Variants in NRDC observed in about 807,000 individuals in gnomAD.
NRDC encodes the protein nardilysin.
A neutral mutation model predicts 147.1 loss-of-function variants in NRDC; 54 were observed. That is an observed-to-expected ratio of 0.37 (90% CI 0.29 to 0.46). The LOEUF (loss-of-function observed/expected upper bound fraction) is 0.46, where lower values mean the gene tolerates loss of function less well. Among genes scored for constraint, NRDC ranks in the 20% least tolerant of loss-of-function variants. The probability of loss-of-function intolerance (pLI) is 1.00; values close to 1 mark genes in which losing one functional copy is unlikely to be tolerated. For missense variants in NRDC, 1,082 were observed against 1,370.6 expected, an observed-to-expected ratio of 0.79 and a Z score of 3.33; for synonymous variants, 440 against 482.1, an observed-to-expected ratio of 0.91 and a Z score of 1.14.
At chr1:51,874,106 G>A (rs1231327332) in intron 1 of NRDC, among the ~76,000 whole-genome samples, 6 of 143,492 alleles carry the variant, frequency 4.2e-5, no homozygotes, top group Admixed American at 6.9e-5. Context: ...CAGCCTGGGC[G>A]ATGAATTGAA....
chr1:51,791,639 T>C lies in NRDC; in HGVS notation c.2899A>G (p.Arg967Gly). The C allele has an allele frequency of 3.1e-6, 5 of 1,613,878 alleles. No homozygotes were observed. The highest frequency in any genetic ancestry group is 4.2e-6 in the Non-Finnish European group (5 of 1,179,782). Reference protein sequence around the residue: ...TLGYHVYPTCRNTSGILGFSV... With the variant: ...TLGYHVYPTCGNTSGILGFSV... Reference sequence around the variant, plus strand: ...AATCCTAGAATCCCGGATGTGTTCCTACAGGTAGGGTAGACATGGTACCTA... The same window carrying C: ...AATCCTAGAATCCCGGATGTGTTCCCACAGGTAGGGTAGACATGGTACCTA... The change falls in exon 27 of 31, where the codon AGG becomes GGG. Residue 967 changes from arginine (R) to glycine (G), a missense_variant. Physicochemically the swap from Arg to Gly is moderately radical, Grantham distance 125. Coordinates refer to ENST00000352171, the MANE Select transcript of NRDC (RefSeq NM_001101662.2).
chr1:51,791,731 T>C (rs1678667374), intron 26 of NRDC, 70 bp from the exon 27 acceptor site: 1 of 1,267,682 alleles, frequency 7.9e-7, no homozygotes, highest in Non-Finnish European at 1.1e-6. Context: ...AGGCACTAGA[T>C]AGGAGTGGGA....
chr1:51,790,169 G>A (rs1678531930), intron 29 of NRDC, among the ~76,000 whole-genome samples: 1 of 152,190 alleles, frequency 6.6e-6, no homozygotes, highest in African/African-American at 2.4e-5. Context: ...CTTTGGAATA[G>A]AAGTTGTCAA....
At chr1:51,802,615 C>G (rs188296021) in intron 20 of NRDC, among the ~76,000 whole-genome samples, 24 of 152,252 alleles carry the variant, frequency 1.6e-4, no homozygotes, top group Non-Finnish European at 1.0e-4. Context: ...CAGTGATCAT[C>G]ATTTTATCAG....
intron 1 of NRDC, among the ~76,000 whole-genome samples, chr1:51,870,075 T>G (rs779897247): frequency 1.2e-4 from 19 of 152,182 alleles, no homozygotes; most frequent in Non-Finnish European, 2.4e-4. Flanking sequence ...TCTAAGAAAT[T>G]TCTGGCAAAA....
intron 21 of NRDC, among the ~76,000 whole-genome samples, chr1:51,800,189 A>G (rs991559125): frequency 6.6e-6 from 1 of 152,094 alleles, no homozygotes; most frequent in Non-Finnish European, 1.5e-5. Flanking sequence ...TGCCCAGGCT[A>G]GTCTTGAACT....
At chr1:51,829,557 A>AT (rs1397544223) in intron 4 of NRDC, among the ~76,000 whole-genome samples, 2 of 152,194 alleles carry the variant, frequency 1.3e-5, no homozygotes, top group Admixed American at 6.5e-5. Context: ...TTAACCTCTG[A>AT]TTTGATGTCT....
chr1:51,860,044 CT>C, intron 1 of NRDC: 1 of 201,116 alleles, frequency 5.0e-6, no homozygotes, highest in Non-Finnish European at 1.1e-5. Context: ...TTGGCCGTGT[CT>C]TTTACTTTGG....
chr1:51,857,699 T>C (rs1351359228), intron 1 of NRDC, among the ~76,000 whole-genome samples: 2 of 152,168 alleles, frequency 1.3e-5, no homozygotes, highest in South Asian at 2.1e-4. Context: ...CATGATTGGA[T>C]TGGATCTGAT....
chr1:51,812,961 C>CAAAAAAAAAAAAAAAAAAAAAAAAAAA (rs5774107), intron 14 of NRDC, among the ~76,000 whole-genome samples: 1 of 71,816 alleles, frequency 1.4e-5, no homozygotes, highest in African/African-American at 6.2e-5. Context: ...GACTCTGTCT[C>CAAAAAAAAAAAAAAAAAAAAAAAAAAA]AAAAAAAAAA....
intron 8 of NRDC, 58 bp downstream of exon 8, chr1:51,821,440 C>A: frequency 8.3e-7 from 1 of 1,205,700 alleles, no homozygotes; most frequent in Non-Finnish European, 1.2e-6. Flanking sequence ...GGGACTCATA[C>A]AAGATAATGG....
Position 51,836,166 on chromosome 1 carries a change from T to C in NRDC, c.677A>G (p.Asp226Gly), listed in dbSNP as rs768058472. 1.9e-6 allele frequency: 3 copies of C among 1,614,054 alleles called. No individual in the cohort carries two copies. Among genetic ancestry groups the C allele is most frequent in the African/African-American group, 1.3e-5 (1 of 74,916 alleles). ...AAAGTGTGCCAGCCCCGGCAGGTCA[T>C]CTGGATCAGCGAAACTCCCAACTCC... is the stretch of plus-strand genomic sequence containing the variant. ...CVGVGSFADPDDLPGLAHFLE... is the reference protein window; with the variant it reads ...CVGVGSFADPGDLPGLAHFLE... Residue 226 changes from aspartate (D) to glycine (G), a missense_variant, in exon 3 of 31, where the codon GAT (aspartate) becomes GGT (glycine). Physicochemically the swap from Asp to Gly is moderately conservative, Grantham distance 94. Around this residue, in one of 3 missense-constraint regions of NRDC, gnomAD observed 635 missense variants for 923.8 expected, o/e 0.69. Transcript: ENST00000352171.
Position 51,834,137 on chromosome 1 carries a change from T to C in NRDC, c.746A>G (p.Glu249Gly). ...CTTCAGGAAGGCATCAAATCCATTC[T>C]CATCTGGATATTTCAAACTACCCAT... Reference protein sequence around the residue: ...VFMGSLKYPDENGFDAFLKKH... With the variant: ...VFMGSLKYPDGNGFDAFLKKH... The change falls in exon 4 of 31, where the codon GAG becomes GGG. Residue 249 changes from glutamate to glycine, a missense_variant. Glu to Gly is a moderately conservative substitution (Grantham distance 98, BLOSUM62 -2). Coordinates refer to ENST00000352171, the MANE Select transcript of NRDC (RefSeq NM_001101662.2). The C allele has an allele frequency of 6.2e-7, 1 of 1,613,980 alleles. No homozygotes were observed. Among genetic ancestry groups the C allele is most frequent in the Non-Finnish European group, 8.5e-7 (1 of 1,179,972 alleles).
chr1:51,821,509 C>T lies in NRDC; in HGVS notation c.1206G>A (p.Gln402=). The T allele has an allele frequency of 6.2e-7, 1 of 1,603,236 alleles. No homozygotes were observed. Among genetic ancestry groups the T allele is most frequent in the South Asian group, 1.1e-5 (1 of 90,816 alleles). The change falls in exon 8 of 31, where the codon CAG becomes CAA. Residue 402 remains glutamine (Q), a synonymous_variant. Transcript: ENST00000352171. ...LEKWVTEIFS[Q]IPNNGLPRPN... ...AATAAATATCTTACTTGTTTGGTATCTGAGAGAAGATTTCAGTCACCCACT... is the reference window on the plus strand; with the variant it reads ...AATAAATATCTTACTTGTTTGGTATTTGAGAGAAGATTTCAGTCACCCACT...
At chr1:51,819,338 T>G (rs1320097900) in intron 9 of NRDC, among the ~76,000 whole-genome samples, 2 of 152,114 alleles carry the variant, frequency 1.3e-5, no homozygotes, top group Non-Finnish European at 2.9e-5. Flanking sequence ...TGACTTCTCT[T>G]CATGGTAAGA....
At chr1:51,794,137 T>C (rs571191949) in intron 24 of NRDC, 43 of 224,156 alleles carry the variant, frequency 1.9e-4, no homozygotes, top group Admixed American at 1.4e-3. Flanking sequence ...TGTTTGGCTA[T>C]GTTTACTTCT....
At chr1:51,875,856 ATT>A (rs201533416) in intron 1 of NRDC, among the ~76,000 whole-genome samples, 1 of 148,352 alleles carries the variant, frequency 6.7e-6, no homozygotes, top group Non-Finnish European at 1.5e-5. Flanking sequence ...ACAGTCTCTA[ATT>A]TTTTTTTTTA....
chr1:51,848,028 A>G (rs1224639391), intron 1 of NRDC, among the ~76,000 whole-genome samples: 1 of 152,270 alleles, frequency 6.6e-6, no homozygotes, highest in Non-Finnish European at 1.5e-5. Context: ...ACCTACACAT[A>G]AAGCCCTTAG....
intron 23 of NRDC, 103 bp downstream of exon 23, chr1:51,794,720 T>C: frequency 6.3e-7 from 1 of 1,584,332 alleles, no homozygotes; most frequent in East Asian, 2.2e-5. Flanking sequence ...CTACTACAAG[T>C]AGTATTTCAA....
Sources: gnomAD v4.1 joint callset for allele counts (sites outside exome capture counted in the v4.1 genomes callset) on GRCh38, gnomAD v4.1.1 for gene constraint, gnomAD v4.1.1 regional missense constraint, MANE v1.5 for transcripts, NCBI Gene and HGNC (gene_info 2026-07-23, HGNC 2026-07-21) for gene names.